The following HACL1 variants were observed in gnomAD, a reference collection of about 807,000 sequenced individuals.
HACL1 encodes the protein 2-hydroxyacyl-CoA lyase 1, also known as 1600020H07Rik.
HACL1 carries 64 observed loss-of-function variants against 74.2 expected under a neutral mutation model. The observed-to-expected ratio is 0.86, with a 90% CI of 0.70 to 1.06. The LOEUF (loss-of-function observed/expected upper bound fraction) is 1.06, where lower values mean the gene tolerates loss of function less well. HACL1 is among the 50% of genes least tolerant of loss of function. HACL1 has a pLI of 0.00. For missense variants in HACL1, 728 were observed against 719.7 expected (o/e 1.01, Z -0.13); for synonymous variants, 230 against 238.8 (o/e 0.96, Z 0.34).
intron 16 of HACL1, 131 bp downstream of exon 16, chr3:15,563,227 C>T: frequency 1.6e-6 from 1 of 637,900 alleles, no homozygotes; most frequent in Non-Finnish European, 2.8e-6. Flanking sequence ...GTACATGAAA[C>T]TGCCAAACTC....
At chr3:15,565,083 T>C (rs576918070) in intron 14 of HACL1, among the ~76,000 whole-genome samples, 3 of 152,068 alleles carry the variant, frequency 2.0e-5, no homozygotes, top group Non-Finnish European at 4.4e-5. Flanking sequence ...AAGAATCGCT[T>C]GAACCCGGGA....
At chr3:15,567,236 A>T (rs1574908863) in intron 14 of HACL1, among the ~76,000 whole-genome samples, 1 of 102,766 alleles carries the variant, frequency 9.7e-6, no homozygotes, top group Non-Finnish European at 1.8e-5. Context: ...TTTGAGATGG[A>T]GTCTCGCTCT....
chr3:15,597,293 C>T (rs1039136363), intron 2 of HACL1, among the ~76,000 whole-genome samples: 13 of 152,156 alleles, frequency 8.5e-5, no homozygotes, highest in African/African-American at 2.9e-4. Flanking sequence ...CACTTTACTT[C>T]CACATGGTCA....
At chr3:15,564,064 C>T (rs1454663745) in intron 15 of HACL1, among the ~76,000 whole-genome samples, 1 of 152,178 alleles carries the variant, frequency 6.6e-6, no homozygotes, top group Non-Finnish European at 1.5e-5. Flanking sequence ...TACCCTGTTC[C>T]ACCCCAAGGC....
At chr3:15,564,089 A>C (rs959685416) in intron 15 of HACL1, among the ~76,000 whole-genome samples, 1 of 152,238 alleles carries the variant, frequency 6.6e-6, no homozygotes, top group Non-Finnish European at 1.5e-5. Flanking sequence ...TCACAAATTC[A>C]TATCTGTCTC....
chr3:15,596,646 C>G (rs563357740), intron 2 of HACL1, among the ~76,000 whole-genome samples: 1 of 152,268 alleles, frequency 6.6e-6, no homozygotes, highest in South Asian at 2.1e-4. Flanking sequence ...TCAAAACATC[C>G]TCTTACAATT....
At chr3:15,598,184 C>T (rs181315653) in intron 2 of HACL1, among the ~76,000 whole-genome samples, 14 of 152,204 alleles carry the variant, frequency 9.2e-5, no homozygotes, top group South Asian at 2.1e-4. Flanking sequence ...ACCACCACGC[C>T]TGGCTAATTT....
At chr3:15,565,168 A>C (rs148992194) in intron 14 of HACL1, among the ~76,000 whole-genome samples, 1 of 148,870 alleles carries the variant, frequency 6.7e-6, no homozygotes, top group East Asian at 1.9e-4. Context: ...CCATCTCAGA[A>C]AAAAAAAAAA....
chr3:15,570,108 G>A (rs1466705706), intron 12 of HACL1, among the ~76,000 whole-genome samples: 1 of 152,072 alleles, frequency 6.6e-6, no homozygotes, highest in African/African-American at 2.4e-5. Context: ...AGGCCAAGGC[G>A]GGCGGATCAC....
intron 2 of HACL1, among the ~76,000 whole-genome samples, chr3:15,597,605 G>C (rs990901118): frequency 7.4e-6 from 1 of 134,282 alleles, no homozygotes; most frequent in African/African-American, 2.8e-5. Context: ...CTGTCTTAAA[G>C]AACTCCACAT....
Position 15,573,237 on chromosome 3 carries a change from A to G in HACL1, c.915T>C (p.Asp305=). 1.3e-6 allele frequency: 2 copies of G among 1,597,766 alleles called. No individual in the cohort carries two copies. The highest frequency in any genetic ancestry group is 1.7e-6 in the Non-Finnish European group (2 of 1,165,516). Reference sequence around the variant, plus strand: ...TATTCCCCAATTCTTCTGCACAGATATCAACCTAAAAAAGAGACAAGGCTA... The same window carrying G: ...TATTCCCCAATTCTTCTGCACAGATGTCAACCTAAAAAAGAGACAAGGCTA... ...YQPDVKFIQV[D]ICAEELGNNV... is the part of the protein sequence containing the mutation. Residue 305 remains aspartate (D), a synonymous_variant, in exon 11 of 17, where the codon GAT becomes GAC. Transcript: ENST00000321169.
chr3:15,590,519 C>T (rs2125275270), intron 4 of HACL1, among the ~76,000 whole-genome samples: 1 of 152,256 alleles, frequency 6.6e-6, no homozygotes, highest in East Asian at 1.9e-4. Context: ...AACCTAACCC[C>T]CCTCAACCTG....
intron 13 of HACL1, 111 bp from the exon 14 acceptor site, chr3:15,568,113 TA>T: frequency 1.1e-6 from 1 of 915,286 alleles, no homozygotes; most frequent in Non-Finnish European, 1.7e-6. Flanking sequence ...TGAAGAACCA[TA>T]AAAACATTCT....
intron 14 of HACL1, among the ~76,000 whole-genome samples, chr3:15,566,287 C>G (rs937332459): frequency 6.6e-6 from 1 of 152,196 alleles, no homozygotes; most frequent in African/African-American, 2.4e-5. Context: ...ATCTACAATT[C>G]ATGAGTTTCT....
At chr3:15,600,356 G>C (rs926581889) in intron 2 of HACL1, among the ~76,000 whole-genome samples, 1 of 152,268 alleles carries the variant, frequency 6.6e-6, no homozygotes, top group Non-Finnish European at 1.5e-5. Flanking sequence ...CAGCTGGACT[G>C]AGAGTATGTG....
At chr3:15,563,829 AC>A (rs1226736812) in intron 15 of HACL1, among the ~76,000 whole-genome samples, 1 of 152,220 alleles carries the variant, frequency 6.6e-6, no homozygotes, top group South Asian at 2.1e-4. Context: ...TTGAAATGTG[AC>A]TAAACTGAGG....
At chr3:15,568,032 C>T (rs1011811866) in intron 13 of HACL1, 30 bp from the exon 14 acceptor site, 4 of 1,607,786 alleles carry the variant, frequency 2.5e-6, no homozygotes, top group South Asian at 1.1e-5. Flanking sequence ...AAATGAAACC[C>T]TCTGGGGCAT....
chr3:15,585,325 G>T lies in HACL1; in HGVS notation c.477C>A (p.Ile159=). 6.3e-7 allele frequency: 1 copy of T among 1,596,590 alleles called. No individual in the cohort carries two copies. The highest frequency in any genetic ancestry group is 8.6e-7 in the Non-Finnish European group (1 of 1,164,186). ...CATAGCAAGCACCTGGACGACCATA[G>T]ATACTGCTTCTCACTGCCTACGTTC... ...FVIEKAVRSS[I]YGRPGACYVD... The change falls in exon 7 of 17, where the codon ATC becomes ATA. Residue 159 remains isoleucine (I), a synonymous_variant. Coordinates refer to ENST00000321169, the MANE Select transcript of HACL1 (RefSeq NM_012260.4).
At chr3:15,600,967 T>C (rs150406482) in intron 2 of HACL1, 123 bp downstream of exon 2, 8 of 675,218 alleles carry the variant, frequency 1.2e-5, no homozygotes, top group Non-Finnish European at 1.9e-5. Flanking sequence ...TCAACAGTGA[T>C]TGATATGATA....
Sources: allele counts gnomAD v4.1 joint callset (sites outside exome capture counted in the v4.1 genomes callset), GRCh38; gene constraint gnomAD v4.1.1; transcripts MANE v1.5; gene names NCBI Gene and HGNC (gene_info 2026-07-23, HGNC 2026-07-21).